The following ACTR3C variants were observed in gnomAD, a reference collection of about 807,000 sequenced individuals.
ACTR3C encodes the protein actin-related protein 3C.
Under a neutral mutation model 26.3 loss-of-function variants are expected in ACTR3C, and 18 were observed. That is an observed-to-expected ratio of 0.68 (90% CI 0.47 to 1.01). ACTR3C has a LOEUF of 1.01. ACTR3C is among the 50% of genes least tolerant of loss of function. The pLI is 0.00. For synonymous variants in ACTR3C, 55 were observed against 94.5 expected (o/e 0.58, Z 2.42); for missense variants, 184 against 250.7 (o/e 0.73, Z 1.80).
chr7:150,035,766 C>A, the ACTR3C span, among the ~76,000 whole-genome samples: 1 of 138,044 alleles, frequency 7.2e-6, no homozygotes, highest in Non-Finnish European at 1.6e-5. Flanking sequence ...TGCGTCCCCC[C>A]TCTGCGATGG....
chr7:150,117,769 C>T, the ACTR3C span, among the ~76,000 whole-genome samples: 3 of 152,236 alleles, frequency 2.0e-5, no homozygotes, highest in African/African-American at 4.8e-5. Flanking sequence ...GGGTCCCTCA[C>T]CTCCGTACCT....
chr7:150,223,594 A>T, the ACTR3C span, among the ~76,000 whole-genome samples: 1 of 151,810 alleles, frequency 6.6e-6, no homozygotes, highest in African/African-American at 2.4e-5. Flanking sequence ...ATGCTACTTG[A>T]CTTACAATGG....
the ACTR3C span, among the ~76,000 whole-genome samples, chr7:149,979,107 T>A: frequency 6.6e-6 from 1 of 152,244 alleles, no homozygotes; most frequent in Non-Finnish European, 1.5e-5. Context: ...TCCACACCAC[T>A]GGGCACATCA....
the ACTR3C span, among the ~76,000 whole-genome samples, chr7:149,890,320 GA>G: frequency 6.7e-6 from 1 of 149,702 alleles, no homozygotes; most frequent in East Asian, 1.9e-4. Context: ...TCTCACGGAA[GA>G]AAACATGTAA....
At chr7:150,320,110 T>C (rs1797350287) in intron 1 of ACTR3C, among the ~76,000 whole-genome samples, 1 of 152,056 alleles carries the variant, frequency 6.6e-6, no homozygotes, top group African/African-American at 2.4e-5. Context: ...GTGGATCCCA[T>C]GTAACAGTAC....
chr7:150,042,852 T>C, the ACTR3C span, among the ~76,000 whole-genome samples: 2 of 151,304 alleles, frequency 1.3e-5, no homozygotes, highest in East Asian at 3.9e-4. Context: ...CTTTTCTCTC[T>C]CTGACGCATA....
the ACTR3C span, among the ~76,000 whole-genome samples, chr7:150,091,964 G>C: frequency 1.9e-5 from 2 of 107,762 alleles, no homozygotes; most frequent in Admixed American, 1.4e-4. Flanking sequence ...CTCCAGCCTG[G>C]GCGACAGAGC....
the ACTR3C span, among the ~76,000 whole-genome samples, chr7:150,079,398 G>A: frequency 6.6e-6 from 1 of 152,148 alleles, no homozygotes; most frequent in African/African-American, 2.4e-5. Context: ...AGTCTCGCAC[G>A]GCTGTTGTGA....
At chr7:150,177,508 G>A in the ACTR3C span, among the ~76,000 whole-genome samples, 1 of 150,742 alleles carries the variant, frequency 6.6e-6, no homozygotes, top group African/African-American at 2.5e-5. Flanking sequence ...ACAATACAGT[G>A]GTAAAAGTCC....
the ACTR3C span, among the ~76,000 whole-genome samples, chr7:150,227,701 G>GTTTTTTTTTTTTTTTT: frequency 1.9e-4 from 18 of 94,234 alleles, 2 homozygotes; most frequent in African/African-American, 6.3e-4. Context: ...TTTTTTTTTT[G>GTTTTTTTTTTTTTTTT]TTTTTTTTTT....
At chr7:150,202,717 A>G in the ACTR3C span, among the ~76,000 whole-genome samples, 3 of 152,248 alleles carry the variant, frequency 2.0e-5, no homozygotes, top group Non-Finnish European at 4.4e-5. Context: ...TAAGATAAAC[A>G]TAAAATATAT....
chr7:150,193,034 T>A, the ACTR3C span, among the ~76,000 whole-genome samples: 17 of 152,160 alleles, frequency 1.1e-4, no homozygotes, highest in Admixed American at 9.2e-4. Context: ...CTCCCAAACT[T>A]CCTTATAAAA....
the ACTR3C span, among the ~76,000 whole-genome samples, chr7:150,153,774 G>A: frequency 1.8e-5 from 2 of 108,228 alleles, no homozygotes; most frequent in South Asian, 3.7e-4. Flanking sequence ...ACATGCACAC[G>A]TATGTTTATT....
the ACTR3C span, among the ~76,000 whole-genome samples, chr7:149,890,276 A>G: frequency 1.3e-5 from 2 of 151,484 alleles, no homozygotes; most frequent in East Asian, 3.9e-4. Context: ...AGCATTCTGT[A>G]CATATAATTA....
the ACTR3C span, among the ~76,000 whole-genome samples, chr7:150,023,745 G>A: frequency 4.7e-5 from 7 of 148,454 alleles, no homozygotes; most frequent in Admixed American, 2.1e-4. Context: ...TGTATTAATC[G>A]CGATGAGTAC....
At chr7:150,051,376 C>CCACACACA in the ACTR3C span, among the ~76,000 whole-genome samples, 5 of 133,912 alleles carry the variant, frequency 3.7e-5, no homozygotes, top group African/African-American at 1.4e-4. Context: ...CTCCCCTTAT[C>CCACACACA]CACACACACA....
the ACTR3C span, among the ~76,000 whole-genome samples, chr7:149,912,775 C>T: frequency 6.6e-6 from 1 of 152,076 alleles, no homozygotes; most frequent in Non-Finnish European, 1.5e-5. Context: ...TGCTGGGTTA[C>T]AGGCGTGAGC....
At chr7:149,993,847 A>G in the ACTR3C span, among the ~76,000 whole-genome samples, 4 of 152,346 alleles carry the variant, frequency 2.6e-5, no homozygotes, top group South Asian at 8.3e-4. Flanking sequence ...CCAGGCCCTC[A>G]GAGGACACCC....
chr7:150,039,280 C>T, the ACTR3C span, among the ~76,000 whole-genome samples: 57 of 101,484 alleles, frequency 5.6e-4, no homozygotes, highest in East Asian at 8.8e-3. Flanking sequence ...GGGGGTGCCT[C>T]CCCCCTCCTG....
Sources: allele counts gnomAD v4.1 joint callset (sites outside exome capture counted in the v4.1 genomes callset), GRCh38; gene constraint gnomAD v4.1.1; transcripts MANE v1.5; gene names NCBI Gene and HGNC (gene_info 2026-07-23, HGNC 2026-07-21).